TBC1D1: variants seen among roughly 807,000 people sequenced by gnomAD.
TBC1D1 encodes the protein TBC1 (tre-2/USP6, BUB2, cdc16) domain family, member 1.
TBC1D1 carries 89 observed loss-of-function variants against 125.6 expected under a neutral mutation model. That is an observed-to-expected ratio of 0.71 (90% CI 0.60 to 0.85). The LOEUF is 0.85. Ranked by LOEUF, TBC1D1 falls within the 40% of genes least tolerant of loss-of-function variation. The pLI is 0.00. For synonymous variants in TBC1D1, 565 were observed against 564.1 expected (o/e 1.00, Z -0.02); for missense variants, 1,377 against 1,469.2 (o/e 0.94, Z 1.03).
At chr4:38,076,452 CTG>C (rs1491142513) in intron 12 of TBC1D1, among the ~76,000 whole-genome samples, 1 of 152,142 alleles carries the variant, frequency 6.6e-6, no homozygotes, top group East Asian at 1.9e-4. Flanking sequence ...TTATGTGAGA[CTG>C]GGGTCATGAT....
chr4:38,068,940 G>C (rs1754223032), intron 12 of TBC1D1, among the ~76,000 whole-genome samples: 1 of 152,248 alleles, frequency 6.6e-6, no homozygotes, highest in African/African-American at 2.4e-5. Context: ...TGGTGCTTGT[G>C]TTGTACTGTC....
intron 2 of TBC1D1, among the ~76,000 whole-genome samples, chr4:37,957,592 C>T (rs1729178945): frequency 6.6e-6 from 1 of 152,168 alleles, no homozygotes; most frequent in Admixed American, 6.5e-5. Flanking sequence ...AGCAACAGAG[C>T]AAGGTCCTAT....
intron 2 of TBC1D1, among the ~76,000 whole-genome samples, chr4:37,908,545 C>A (rs1450034361): frequency 6.6e-6 from 1 of 152,082 alleles, no homozygotes; most frequent in Non-Finnish European, 1.5e-5. Flanking sequence ...TTATCGCACT[C>A]GAAATATGTC....
intron 2 of TBC1D1, among the ~76,000 whole-genome samples, chr4:38,010,380 C>T (rs1741217946): frequency 6.6e-6 from 1 of 152,134 alleles, no homozygotes; most frequent in South Asian, 2.1e-4. Flanking sequence ...TTTCTCTACA[C>T]CTGAAATGTT....
At chr4:38,066,966 T>G (rs1399596957) in intron 12 of TBC1D1, among the ~76,000 whole-genome samples, 13 of 151,874 alleles carry the variant, frequency 8.6e-5, no homozygotes, top group Admixed American at 8.5e-4. Flanking sequence ...AACCTCCGCC[T>G]CCTGGGTTCA....
At chr4:38,057,766 C>T (rs1458777336) in intron 12 of TBC1D1, among the ~76,000 whole-genome samples, 1 of 152,148 alleles carries the variant, frequency 6.6e-6, no homozygotes, top group African/African-American at 2.4e-5. Flanking sequence ...TTATGAAGCC[C>T]ATTTTACAGG....
chr4:37,927,151 T>G lies in TBC1D1; in HGVS notation c.417+24639T>G, dbSNP rs887659955. On this transcript the variant is annotated intron_variant, in intron 2 of 19. Transcript: ENST00000261439. The stretch of plus-strand genomic sequence containing the variant: ...AAAAGGAAAAAAAAAGAAATATTAC[T>G]GTTGTAAGTATTAACAGCTATTCAA... 5.3e-5 allele frequency among the ~76,000 whole-genome samples: 8 copies of G among 152,042 alleles called. No individual in the cohort carries two copies. The East Asian group carries it at 1.5e-3, about 29-fold the overall frequency.
At chr4:38,023,233 C>T (rs1157942206) in intron 6 of TBC1D1, among the ~76,000 whole-genome samples, 10 of 130,118 alleles carry the variant, frequency 7.7e-5, no homozygotes, top group Non-Finnish European at 1.4e-4. Context: ...GGCAACAGAG[C>T]GAGATGTCTC....
chr4:38,123,219 TGCAAAAAAGG>T (rs1240949075), intron 17 of TBC1D1, among the ~76,000 whole-genome samples: 1 of 151,608 alleles, frequency 6.6e-6, no homozygotes, highest in Non-Finnish European at 1.5e-5. Context: ...CCAGGATCCC[TGCAAAAAAGG>T]TCTTGATTTT....
chr4:38,013,404 C>G (rs1184479412), intron 2 of TBC1D1, among the ~76,000 whole-genome samples: 1 of 152,160 alleles, frequency 6.6e-6, no homozygotes, highest in African/African-American at 2.4e-5. Flanking sequence ...TAAAATTTCT[C>G]TATAATGTTG....
intron 2 of TBC1D1, among the ~76,000 whole-genome samples, chr4:37,931,482 C>A (rs1182581100): frequency 6.6e-6 from 1 of 151,818 alleles, no homozygotes; most frequent in Non-Finnish European, 1.5e-5. Flanking sequence ...GACCTTTTTC[C>A]ACTCTTTTTT....
chr4:37,905,945 T>C (rs1219969312), intron 2 of TBC1D1, among the ~76,000 whole-genome samples: 1 of 152,182 alleles, frequency 6.6e-6, no homozygotes, highest in Non-Finnish European at 1.5e-5. Flanking sequence ...GGCAATGGTT[T>C]TGGCACCCAT....
At chr4:38,018,584 TCTTTG>T (rs1271783528) in intron 4 of TBC1D1, 141 bp downstream of exon 4, 7 of 541,026 alleles carry the variant, frequency 1.3e-5, no homozygotes, top group Admixed American at 3.9e-5. Context: ...TCGCTTTTCT[TCTTTG>T]CTTTGGTATG....
Position 38,115,916 on chromosome 4 carries a change from C to A in TBC1D1, c.2764C>A (p.Leu922Met). ...CAAGTTTCTGATGTTTGACATGGGG[C>A]TGCGGAAACAGTATCGGCCAGACAT... is the stretch of plus-strand genomic sequence containing the variant. The change falls in exon 16 of 20, where the codon CTG becomes ATG. Residue 922 changes from leucine (L) to methionine (M), a missense_variant. By Grantham distance (15) the Leu-to-Met change is conservative. This residue lies in a region of TBC1D1 where 543 missense variants were observed against 613.5 expected (regional missense o/e 0.89). Coordinates refer to ENST00000261439, the MANE Select transcript of TBC1D1 (RefSeq NM_015173.4). 1 of 1,614,186 alleles carries A rather than the reference C, an allele frequency of 6.2e-7. No homozygotes were observed. Among genetic ancestry groups the A allele is most frequent in the African/African-American group, 1.3e-5 (1 of 75,046 alleles).
At chr4:38,055,150 T>C (rs1751470028) in intron 12 of TBC1D1, 1 of 152,226 alleles carries the variant, frequency 6.6e-6, no homozygotes, top group African/African-American at 2.4e-5. Context: ...TGGTGCCCGC[T>C]GTGACCAACG....
intron 12 of TBC1D1, among the ~76,000 whole-genome samples, chr4:38,086,663 T>C (rs1757532677): frequency 1.3e-5 from 2 of 152,168 alleles, no homozygotes; most frequent in South Asian, 4.1e-4. Flanking sequence ...ATTTGAACTG[T>C]GTTTTCAGTG....
At chr4:38,115,201 A>G (rs529017518) in intron 15 of TBC1D1, among the ~76,000 whole-genome samples, 18 of 151,096 alleles carry the variant, frequency 1.2e-4, no homozygotes, top group Admixed American at 2.0e-4. Context: ...CCCAGGTTCA[A>G]GCAATTCTCC....
chr4:38,135,344 C>T (rs1260295877), intron 19 of TBC1D1, among the ~76,000 whole-genome samples: 6 of 152,188 alleles, frequency 3.9e-5, no homozygotes, highest in South Asian at 2.1e-4. Context: ...ATTGCATAGA[C>T]GTGCCAGATG....
rs117166658 is a variant in TBC1D1 at position 38,082,957 on chromosome 4, T to C, written c.2051-6975T>C. ...GTGGGGATAAAGATCTGCAGGCCTC[T>C]TGCTCCTGGTCCTTGTTTCTGCTTA... On this transcript the variant is annotated intron_variant, in intron 12 of 19. Transcript: ENST00000261439. Among the ~76,000 whole-genome samples the C allele has an allele frequency of 1.3e-3, 195 of 152,262 alleles. 6 individuals carry two copies. The East Asian group carries it at 0.031, about 24-fold the overall frequency.
Sources: gnomAD v4.1 joint callset for allele counts (sites outside exome capture counted in the v4.1 genomes callset) on GRCh38, gnomAD v4.1.1 for gene constraint, gnomAD v4.1.1 regional missense constraint, MANE v1.5 for transcripts, NCBI Gene and HGNC (gene_info 2026-07-23, HGNC 2026-07-21) for gene names.